The following ROCK2 variants were observed in gnomAD, a reference collection of about 807,000 sequenced individuals.
The protein encoded by ROCK2 is Rho associated coiled-coil containing protein kinase 2.
In ROCK2, 61 loss-of-function variants were observed where a neutral mutation model predicts 195.1. The observed-to-expected ratio is 0.31, with a 90% CI of 0.25 to 0.39. The LOEUF is 0.39. Ranked by LOEUF, ROCK2 falls within the 10% of genes least tolerant of loss-of-function variation. The pLI is 1.00. For missense variants in ROCK2, 1,109 were observed against 1,637.4 expected (o/e 0.68, Z 5.57); for synonymous variants, 504 against 545.5 (o/e 0.92, Z 1.06).
rs759202932 is a variant in ROCK2, at chr2:11,286,647, A to T, written c.224-8T>A. The T allele has an allele frequency of 7.1e-7, 1 of 1,401,554 alleles. No homozygotes were observed. Among genetic ancestry groups the T allele is most frequent in the Non-Finnish European group, 1.0e-6 (1 of 990,248 alleles). The allele number at this position is 1,401,554 out of a possible 1,614,324, so 86.8% of individuals were successfully genotyped here. A position where few individuals can be genotyped will look rare whatever the true frequency, so the allele number is the denominator to read the frequency against. On this transcript the variant is annotated splice_polypyrimidine_tract_variant and splice_region_variant and intron_variant, in intron 2 of 32. Coordinates refer to ENST00000315872, the MANE Select transcript of ROCK2 (RefSeq NM_004850.5). Reference sequence around the variant, plus strand: ...TTTTCACAATTTTCTCATCTACCATAAAAAGATCACCATACTTATAATATC... The same window carrying T: ...TTTTCACAATTTTCTCATCTACCATTAAAAGATCACCATACTTATAATATC...
intron 1 of ROCK2, among the ~76,000 whole-genome samples, chr2:11,319,396 C>G (rs1279679088): frequency 6.6e-6 from 1 of 152,136 alleles, no homozygotes; most frequent in Admixed American, 6.5e-5. Context: ...CATGATTTGG[C>G]TCTCTGTCTG....
intron 1 of ROCK2, among the ~76,000 whole-genome samples, chr2:11,300,519 C>T (rs1667671715): frequency 1.3e-5 from 2 of 152,214 alleles, no homozygotes; most frequent in African/African-American, 4.8e-5. Flanking sequence ...CTGCCTTGGC[C>T]TCCCAAAGTG....
intron 3 of ROCK2, among the ~76,000 whole-genome samples, chr2:11,259,097 T>G (rs760848302): frequency 1.1e-4 from 17 of 151,372 alleles, no homozygotes; most frequent in Non-Finnish European, 2.1e-4. Context: ...AAGGGAGATT[T>G]AGGCTTCACT....
chr2:11,186,354 C>G (rs1445137758), intron 32 of ROCK2, among the ~76,000 whole-genome samples: 4 of 152,160 alleles, frequency 2.6e-5, no homozygotes, highest in Non-Finnish European at 5.9e-5. Flanking sequence ...CATTGCATAC[C>G]CTTTCAAAAC....
chr2:11,255,748 C>T (rs1450997055), intron 3 of ROCK2, among the ~76,000 whole-genome samples: 15 of 149,732 alleles, frequency 1.0e-4, no homozygotes, highest in African/African-American at 3.0e-4. Context: ...GGTGAAACCC[C>T]GTCTCTACTA....
chr2:11,237,904 C>A (rs904164506), intron 4 of ROCK2, among the ~76,000 whole-genome samples: 24 of 152,090 alleles, frequency 1.6e-4, no homozygotes, highest in African/African-American at 5.3e-4. Flanking sequence ...ATGGCAAAAC[C>A]CCCATCTCTA....
At chr2:11,254,071 T>C (rs988256974) in intron 3 of ROCK2, among the ~76,000 whole-genome samples, 1 of 152,130 alleles carries the variant, frequency 6.6e-6, no homozygotes, top group East Asian at 1.9e-4. Context: ...TAATGGAAAA[T>C]ACAAATAAGT....
chr2:11,338,305 C>T (rs1256297151), intron 1 of ROCK2, among the ~76,000 whole-genome samples: 1 of 152,138 alleles, frequency 6.6e-6, no homozygotes, highest in East Asian at 1.9e-4. Flanking sequence ...TATGACTACA[C>T]CACTGCATCC....
chr2:11,222,488 G>A (rs573483675), intron 7 of ROCK2, among the ~76,000 whole-genome samples: 4 of 152,252 alleles, frequency 2.6e-5, no homozygotes, highest in Non-Finnish European at 4.4e-5. Flanking sequence ...ACGACTGAAT[G>A]ACAATAACTT....
chr2:11,345,203 G>A (rs1226887304), upstream of ROCK2, among the ~76,000 whole-genome samples: 1 of 152,246 alleles, frequency 6.6e-6, no homozygotes, highest in African/African-American at 2.4e-5. Flanking sequence ...AGCGGAGGCG[G>A]GTGGAATCCT....
intron 1 of ROCK2, among the ~76,000 whole-genome samples, chr2:11,304,972 A>G (rs12692435): frequency 0.73 from 111,468 of 152,092 alleles, 42,670 homozygotes; most frequent in East Asian, 0.94. Flanking sequence ...CATACTAATG[A>G]TAGAATAAAT....
chr2:11,336,098 C>T (rs1668920466), intron 1 of ROCK2, among the ~76,000 whole-genome samples: 1 of 152,160 alleles, frequency 6.6e-6, no homozygotes, highest in African/African-American at 2.4e-5. Flanking sequence ...CATTTATACC[C>T]TTCTATGCTC....
chr2:11,324,895 A>G (rs1257628484), intron 1 of ROCK2, among the ~76,000 whole-genome samples: 2 of 152,196 alleles, frequency 1.3e-5, no homozygotes, highest in Non-Finnish European at 2.9e-5. Context: ...TCTATAAAGA[A>G]GTTTTATGCC....
intron 7 of ROCK2, among the ~76,000 whole-genome samples, chr2:11,223,235 A>G (rs908960887): frequency 6.6e-6 from 1 of 152,216 alleles, no homozygotes; most frequent in African/African-American, 2.4e-5. Context: ...TTAAAGTTTT[A>G]TTCTACAAAT....
chr2:11,331,390 A>G (rs979194958), intron 1 of ROCK2, among the ~76,000 whole-genome samples: 1 of 152,246 alleles, frequency 6.6e-6, no homozygotes, highest in Non-Finnish European at 1.5e-5. Context: ...GTGCAATAGT[A>G]CTTAAAACAC....
At chr2:11,298,704 C>T (rs550413971) in intron 1 of ROCK2, among the ~76,000 whole-genome samples, 1 of 152,154 alleles carries the variant, frequency 6.6e-6, no homozygotes, top group South Asian at 2.1e-4. Context: ...GTTCAAAGTG[C>T]TGGGAGGGAG....
At chr2:11,330,783 A>AGGAGGAGAGAGGAG (rs1668706567) in intron 1 of ROCK2, among the ~76,000 whole-genome samples, 1 of 23,674 alleles carries the variant, frequency 4.2e-5, no homozygotes, top group Non-Finnish European at 8.1e-5. Context: ...GGGAGGGAAG[A>AGGAGGAGAGAGGAG]GGAGGAGAGA....
chr2:11,223,921 T>C (rs1193003668), intron 7 of ROCK2, among the ~76,000 whole-genome samples: 1 of 152,214 alleles, frequency 6.6e-6, no homozygotes, highest in Non-Finnish European at 1.5e-5. Flanking sequence ...CTCCCAAGTC[T>C]AACACAAATA....
At chr2:11,236,150 T>G (rs879918379) in intron 4 of ROCK2, among the ~76,000 whole-genome samples, 188 bp from the exon 5 acceptor site, 4 of 152,130 alleles carry the variant, frequency 2.6e-5, no homozygotes, top group Non-Finnish European at 5.9e-5. Flanking sequence ...CAGACAAAAT[T>G]TTTATATGGG....
Sources: allele counts gnomAD v4.1 joint callset (sites outside exome capture counted in the v4.1 genomes callset), GRCh38; gene constraint gnomAD v4.1.1; transcripts MANE v1.5; gene names NCBI Gene and HGNC (gene_info 2026-07-23, HGNC 2026-07-21).